ZFHX3: variants seen among roughly 807,000 people sequenced by gnomAD.
The protein encoded by ZFHX3 is zinc finger homeobox 3.
A neutral mutation model predicts 279.1 loss-of-function variants in ZFHX3; 42 were observed. That is an observed-to-expected ratio of 0.15 (90% CI 0.12 to 0.19). The LOEUF (loss-of-function observed/expected upper bound fraction) is 0.19. ZFHX3 is among the 10% of genes least tolerant of loss of function. The pLI, the probability that ZFHX3 is intolerant of heterozygous loss-of-function variation, is 1.00. For synonymous variants in ZFHX3, 2,293 were observed against 1,957.8 expected (o/e 1.17, Z -4.52); for missense variants, 4,981 against 4,754.0 (o/e 1.05, Z -1.40).
chr16:73,456,232 T>C lies in ZFHX3; in HGVS notation c.-1520A>G, dbSNP rs201118478. 32 of 152,306 alleles carry C rather than the reference T, an allele frequency of 2.1e-4. No homozygotes were observed. The East Asian group carries it at 6.0e-3, about 28-fold the overall frequency. The allele number at this position is 152,306 out of a possible 1,614,324, so 9.4% of individuals were successfully genotyped here. A position where few individuals can be genotyped will look rare whatever the true frequency, so the allele number is the denominator to read the frequency against. ...ACAGGGTCGTGAGACAGGGATATTT[T>C]ATACTTGTTCCTTGTTCTCCAAGTC... is the stretch of plus-strand genomic sequence containing the variant. On this transcript the variant is annotated 5_prime_UTR_variant, in exon 3 of 18. Coordinates refer to the ZFHX3 transcript ENST00000641206.
intron 1 of ZFHX3, among the ~76,000 whole-genome samples, chr16:73,743,341 T>C (rs753927864): frequency 6.6e-6 from 1 of 152,232 alleles, no homozygotes; most frequent in African/African-American, 2.4e-5. Context: ...TTGGGATGTG[T>C]GTAAATATCT....
At chr16:72,930,561 C>T (rs899937981) in intron 3 of ZFHX3, among the ~76,000 whole-genome samples, 1 of 152,000 alleles carries the variant, frequency 6.6e-6, no homozygotes, top group African/African-American at 2.4e-5. Flanking sequence ...GACATAATGG[C>T]AAGGATGCTT....
At chr16:73,834,980 T>C (rs146242857) in intron 1 of ZFHX3, among the ~76,000 whole-genome samples, 178 of 152,198 alleles carry the variant, frequency 1.2e-3, no homozygotes, top group African/African-American at 3.9e-3. Flanking sequence ...TTTTGCAGTG[T>C]TTGTAGAACA....
At chr16:73,859,452 T>A (rs1302842587) in intron 1 of ZFHX3, among the ~76,000 whole-genome samples, 12 of 152,166 alleles carry the variant, frequency 7.9e-5, no homozygotes, top group Admixed American at 7.9e-4. Context: ...GGGAAGAGAT[T>A]CAAATGGAAG....
upstream of ZFHX3, among the ~76,000 whole-genome samples, chr16:73,052,388 T>C (rs1400593049): frequency 6.6e-6 from 1 of 152,046 alleles, no homozygotes; most frequent in Non-Finnish European, 1.5e-5. Context: ...TCTCCCCTAT[T>C]AAGCTTCTAA....
At chr16:73,614,450 C>CT (rs2052278300) in intron 2 of ZFHX3, among the ~76,000 whole-genome samples, 2 of 152,194 alleles carry the variant, frequency 1.3e-5, no homozygotes, top group South Asian at 4.2e-4. Flanking sequence ...ATTTGGTCCC[C>CT]TTTTTTCTCC....
At chr16:73,462,389 T>C (rs1408455504) in intron 2 of ZFHX3, among the ~76,000 whole-genome samples, 1 of 152,184 alleles carries the variant, frequency 6.6e-6, no homozygotes, top group Non-Finnish European at 1.5e-5. Flanking sequence ...TCCTTTCTTA[T>C]CTGTGTACCT....
intron 5 of ZFHX3, among the ~76,000 whole-genome samples, chr16:73,182,930 C>A (rs1357274098): frequency 6.6e-6 from 1 of 151,976 alleles, no homozygotes; most frequent in African/African-American, 2.4e-5. Context: ...TGGGGCCGGG[C>A]GTGGTGGCTC....
chr16:73,428,022 CACACACACATGCATGCACACACGTAG>C (rs1398856150), intron 3 of ZFHX3, among the ~76,000 whole-genome samples: 1 of 152,110 alleles, frequency 6.6e-6, no homozygotes. Context: ...TCCCTTAGAA[CACACACACATGCATGCACACACGTAG>C]ACACACACAT....
chr16:73,330,043 C>A (rs1350936459), intron 3 of ZFHX3, among the ~76,000 whole-genome samples: 1 of 152,178 alleles, frequency 6.6e-6, no homozygotes, highest in Non-Finnish European at 1.5e-5. Context: ...CATGCCCCAG[C>A]TACTCAGGGA....
chr16:73,578,365 G>A (rs752802134), intron 2 of ZFHX3, among the ~76,000 whole-genome samples: 1 of 143,136 alleles, frequency 7.0e-6, no homozygotes, highest in Non-Finnish European at 1.5e-5. Flanking sequence ...TTTTGCTCAA[G>A]TTTCGTAGAT....
intron 3 of ZFHX3, among the ~76,000 whole-genome samples, chr16:72,947,708 G>A (rs1206955787): frequency 1.3e-5 from 2 of 152,110 alleles, no homozygotes; most frequent in Admixed American, 6.5e-5. Context: ...ACCGGGACAG[G>A]GTGGGGTGGG....
At position 73,757,745 on chromosome 16, in the gene ZFHX3, C is replaced by A. The variant is rs570393325; in HGVS notation, c.-1607-77505G>T. Among the ~76,000 whole-genome samples the A allele has an allele frequency of 7.9e-5, 12 of 152,288 alleles. No individual in the cohort carries two copies. The South Asian group carries it at 1.9e-3, about 24-fold the overall frequency. On this transcript the variant is annotated intron_variant, in intron 1 of 17. Coordinates refer to the ZFHX3 transcript ENST00000641206. ...TTGGAGGGTTCCCTGCAGGAAGCAG[C>A]ATTTCACCAGCGTGAAGTGATCAAA... is the stretch of plus-strand genomic sequence containing the variant.
chr16:73,460,063 C>A (rs555178144), intron 2 of ZFHX3, among the ~76,000 whole-genome samples: 1 of 152,300 alleles, frequency 6.6e-6, no homozygotes, highest in East Asian at 1.9e-4. Context: ...TGTCAAGATA[C>A]AGAATGGTTC....
In ZFHX3 at chr16:73,148,555, C is replaced by CT. The variant is rs36018349; in HGVS notation, c.-1103-4725dup. ...GCGCCTTCGTCTGGCAAATGCTGGG[C>CT]TTTTTTTTTTTTTTTTTTTTTTTTT... is the stretch of plus-strand genomic sequence containing the variant. On this transcript the variant is annotated intron_variant, in intron 5 of 17. Transcript: ENST00000641206. 4.3e-3 allele frequency among the ~76,000 whole-genome samples: 241 copies of CT among 55,410 alleles called. 25 individuals are homozygous for CT. The highest frequency in any genetic ancestry group is 0.018 in the East Asian group (24 of 1,352). 36.4% of individuals were successfully genotyped at this position (55,410 alleles called of 152,430 possible). A position where few individuals can be genotyped will look rare whatever the true frequency, so the allele number is the denominator to read the frequency against.
chr16:73,792,963 C>G (rs1285816603), intron 1 of ZFHX3, among the ~76,000 whole-genome samples: 3 of 150,906 alleles, frequency 2.0e-5, no homozygotes, highest in Non-Finnish European at 4.4e-5. Flanking sequence ...CCTGCACATT[C>G]CCAGAATGTT....
intron 2 of ZFHX3, among the ~76,000 whole-genome samples, chr16:73,542,883 T>C (rs373342523): frequency 6.6e-6 from 1 of 152,170 alleles, no homozygotes; most frequent in Admixed American, 6.5e-5. Flanking sequence ...GGGAAGGGGT[T>C]AGAGCAATGG....
intron 2 of ZFHX3, among the ~76,000 whole-genome samples, chr16:73,656,809 C>T (rs1356704943): frequency 6.6e-6 from 1 of 152,126 alleles, no homozygotes; most frequent in African/African-American, 2.4e-5. Flanking sequence ...TTCTGATTAC[C>T]CTTTTCTCAT....
chr16:73,230,211 T>C (rs1003483371), intron 5 of ZFHX3, among the ~76,000 whole-genome samples: 2 of 152,098 alleles, frequency 1.3e-5, no homozygotes, highest in African/African-American at 2.4e-5. Flanking sequence ...ATGCTAGAGA[T>C]TGATGAATGC....
Sources: gnomAD v4.1 joint callset for allele counts (sites outside exome capture counted in the v4.1 genomes callset) on GRCh38, gnomAD v4.1.1 for gene constraint, MANE v1.5 for transcripts, NCBI Gene and HGNC (gene_info 2026-07-23, HGNC 2026-07-21) for gene names.